CTNNA3: variants seen among roughly 807,000 people sequenced by gnomAD.
CTNNA3 encodes the protein catenin alpha-3.
A neutral mutation model predicts 95.7 loss-of-function variants in CTNNA3; 76 were observed. That is an observed-to-expected ratio of 0.79 (90% confidence interval 0.66 to 0.96). The LOEUF is 0.96. Among genes scored for constraint, CTNNA3 ranks in the 40% least tolerant of loss-of-function variants. CTNNA3 has a pLI of 0.00. For missense variants in CTNNA3, 1,191 were observed against 1,089.8 expected (o/e 1.09, Z -1.31); for synonymous variants, 431 against 374.4 (o/e 1.15, Z -1.74).
chr10:67,414,813 T>A (rs4746681), intron 5 of CTNNA3, among the ~76,000 whole-genome samples: 2 of 152,208 alleles, frequency 1.3e-5, no homozygotes, highest in African/African-American at 2.4e-5. Context: ...TGTTGCAAGA[T>A]TGCAAATACT....
intron 11 of CTNNA3, among the ~76,000 whole-genome samples, chr10:66,499,373 A>G (rs1840202455): frequency 6.6e-6 from 1 of 152,210 alleles, no homozygotes; most frequent in Non-Finnish European, 1.5e-5. Flanking sequence ...AACTAGGCTT[A>G]ACAGTCAGGT....
At chr10:67,613,853 A>T (rs1219245810) in intron 2 of CTNNA3, among the ~76,000 whole-genome samples, 1 of 152,118 alleles carries the variant, frequency 6.6e-6, no homozygotes, top group Non-Finnish European at 1.5e-5. Context: ...CCACAGACCC[A>T]GGGGTGGAGT....
intron 1 of CTNNA3, among the ~76,000 whole-genome samples, chr10:67,706,616 G>T (rs149336706): frequency 3.9e-5 from 6 of 152,068 alleles, no homozygotes; most frequent in African/African-American, 1.4e-4. Context: ...AAGGGAGGGA[G>T]ATTTAAATTA....
chr10:66,593,256 A>T (rs1287801495), intron 10 of CTNNA3, among the ~76,000 whole-genome samples: 1 of 152,106 alleles, frequency 6.6e-6, no homozygotes, highest in Non-Finnish European at 1.5e-5. Flanking sequence ...CTAATCTGTA[A>T]CGTTGAAGAT....
At chr10:66,260,132 C>CCT (rs2090945540) in intron 13 of CTNNA3, among the ~76,000 whole-genome samples, 1 of 152,092 alleles carries the variant, frequency 6.6e-6, no homozygotes, top group Non-Finnish European at 1.5e-5. Context: ...TACTGATCCA[C>CCT]CAGGAGAACA....
intron 5 of CTNNA3, among the ~76,000 whole-genome samples, chr10:67,442,689 T>C (rs1344061554): frequency 6.6e-6 from 1 of 152,016 alleles, no homozygotes; most frequent in Non-Finnish European, 1.5e-5. Context: ...ATTGTAAATA[T>C]ATATGCACCC....
chr10:67,699,541 CAATG>C (rs1364465099), upstream of CTNNA3, among the ~76,000 whole-genome samples: 6 of 152,140 alleles, frequency 3.9e-5, no homozygotes, highest in African/African-American at 1.4e-4. Context: ...AAATGAAAGA[CAATG>C]AAGCCACCCA....
At chr10:66,131,082 A>G (rs576710246) in intron 13 of CTNNA3, among the ~76,000 whole-genome samples, 2 of 140,398 alleles carry the variant, frequency 1.4e-5, no homozygotes, top group South Asian at 4.6e-4. Flanking sequence ...AAAAAAAAAA[A>G]GAAGAAGAAG....
intron 15 of CTNNA3, among the ~76,000 whole-genome samples, chr10:66,021,743 A>C (rs12782838): frequency 0.076 from 11,593 of 152,108 alleles, 560 homozygotes; most frequent in Non-Finnish European, 0.12. Context: ...AGACAGAAAA[A>C]CAAAACAATA....
intron 5 of CTNNA3, among the ~76,000 whole-genome samples, chr10:67,305,861 G>A (rs1840532502): frequency 6.6e-6 from 1 of 152,118 alleles, no homozygotes; most frequent in African/African-American, 2.4e-5. Context: ...AAGCAAAGGT[G>A]ACCAAAACAG....
At chr10:66,214,295 G>A (rs2088368714) in intron 13 of CTNNA3, among the ~76,000 whole-genome samples, 1 of 152,116 alleles carries the variant, frequency 6.6e-6, no homozygotes, top group Non-Finnish European at 1.5e-5. Flanking sequence ...AAATATTTGT[G>A]TAACTGCAAG....
intron 9 of CTNNA3, among the ~76,000 whole-genome samples, chr10:66,760,733 T>A (rs1479307836): frequency 6.6e-6 from 1 of 152,148 alleles, no homozygotes; most frequent in African/African-American, 2.4e-5. Context: ...GAACTCACCG[T>A]GCATTTGGTT....
chr10:67,609,301 G>A lies in CTNNA3; in HGVS notation c.100-2252C>T, dbSNP rs538642077. Among the ~76,000 whole-genome samples, 51 of 152,228 alleles carry A rather than the reference G, an allele frequency of 3.4e-4. No individual in the cohort carries two copies. In the South Asian group the frequency reaches 0.01, roughly 31 times the overall value. On this transcript the variant is annotated intron_variant, in intron 2 of 17. Transcript: ENST00000433211. ...CTGCTGCATGTCATGAAACAGTGGA[G>A]GCTCATGATAATCATGCATCACATC...
chr10:66,078,312 T>C (rs1378823632), intron 14 of CTNNA3, among the ~76,000 whole-genome samples: 1 of 151,902 alleles, frequency 6.6e-6, no homozygotes, highest in African/African-American at 2.4e-5. Context: ...CATTCATTCC[T>C]TCACCTATTC....
intron 12 of CTNNA3, among the ~76,000 whole-genome samples, chr10:66,297,460 T>C (rs1301589078): frequency 6.6e-6 from 1 of 152,198 alleles, no homozygotes; most frequent in African/African-American, 2.4e-5. Context: ...AGTAATTATA[T>C]ATATTAAAAG....
At chr10:66,593,895 TG>T (rs1292191263) in intron 10 of CTNNA3, among the ~76,000 whole-genome samples, 3 of 152,086 alleles carry the variant, frequency 2.0e-5, no homozygotes, top group African/African-American at 7.2e-5. Flanking sequence ...TAGGCCTCAT[TG>T]CTTTCCTTTT....
intron 13 of CTNNA3, among the ~76,000 whole-genome samples, chr10:66,168,116 C>A (rs908783096): frequency 6.6e-6 from 1 of 152,138 alleles, no homozygotes; most frequent in Non-Finnish European, 1.5e-5. Flanking sequence ...TTAAAAAGAG[C>A]TTTTGGCATT....
At chr10:66,644,692 T>C (rs1680562313) in intron 9 of CTNNA3, among the ~76,000 whole-genome samples, 1 of 128,154 alleles carries the variant, frequency 7.8e-6, no homozygotes, top group African/African-American at 3.1e-5. Context: ...TTCAGGGTCT[T>C]GACACTGATA....
In CTNNA3 at chr10:66,572,314, C is replaced by T. The variant is rs556880150; in HGVS notation, c.1374+49378G>A. 9.9e-5 allele frequency among the ~76,000 whole-genome samples: 15 copies of T among 151,242 alleles called. No homozygotes were observed. The South Asian group carries it at 2.3e-3, about 23-fold the overall frequency. Reference sequence around the variant, plus strand: ...AGGAGAATCGCTTAAACCCGGGAGGCGGAGGTTACAGTGAGCCAAGATCGC... The same window carrying T: ...AGGAGAATCGCTTAAACCCGGGAGGTGGAGGTTACAGTGAGCCAAGATCGC... On this transcript the variant is annotated intron_variant, in intron 10 of 17. Coordinates refer to ENST00000433211, the MANE Select transcript of CTNNA3 (RefSeq NM_013266.4).
Sources: allele counts gnomAD v4.1 joint callset (sites outside exome capture counted in the v4.1 genomes callset), GRCh38; gene constraint gnomAD v4.1.1; transcripts MANE v1.5; gene names NCBI Gene and HGNC (gene_info 2026-07-23, HGNC 2026-07-21).